The following PRKD1 variants were observed in gnomAD, a reference collection of about 807,000 sequenced individuals.
The protein encoded by PRKD1 is serine/threonine-protein kinase D1.
A neutral mutation model predicts 95.9 loss-of-function variants in PRKD1; 63 were observed. The observed-to-expected ratio is 0.66, with a 90% CI of 0.54 to 0.81. The LOEUF is 0.81. PRKD1 is among the 30% of genes least tolerant of loss of function. The pLI is 0.00. For missense variants in PRKD1, 1,048 were observed against 1,165.3 expected (o/e 0.90, Z 1.47); for synonymous variants, 425 against 423.1 (o/e 1.00, Z -0.05).
At chr14:29,667,056 G>A (rs984380204) in intron 2 of PRKD1, among the ~76,000 whole-genome samples, 8 of 152,236 alleles carry the variant, frequency 5.3e-5, no homozygotes, top group African/African-American at 1.7e-4. Flanking sequence ...GAAAGGTATC[G>A]ACAGCGGAAA....
intron 1 of PRKD1, among the ~76,000 whole-genome samples, chr14:29,862,884 AT>A (rs2139362266): frequency 6.6e-6 from 1 of 152,104 alleles, no homozygotes; most frequent in South Asian, 2.1e-4. Context: ...CCATTTGTCC[AT>A]TTTTGCTGTG....
At chr14:29,640,631 GAA>G in intron 4 of PRKD1, among the ~76,000 whole-genome samples, 1 of 152,254 alleles carries the variant, frequency 6.6e-6, no homozygotes, top group East Asian at 1.9e-4. Flanking sequence ...TGGAATTAAA[GAA>G]TAATTAAATC....
At chr14:29,689,569 C>A (rs1277611601) in intron 2 of PRKD1, among the ~76,000 whole-genome samples, 1 of 152,098 alleles carries the variant, frequency 6.6e-6, no homozygotes, top group Non-Finnish European at 1.5e-5. Flanking sequence ...TGTGGTGATT[C>A]CTCAAAAATC....
intron 1 of PRKD1, among the ~76,000 whole-genome samples, chr14:29,913,360 CTGTT>C (rs1476644933): frequency 6.6e-6 from 1 of 151,914 alleles, no homozygotes; most frequent in Non-Finnish European, 1.5e-5. Context: ...TTTTTCTTTA[CTGTT>C]TGTTTTTGTT....
intron 13 of PRKD1, among the ~76,000 whole-genome samples, chr14:29,612,939 A>G (rs1201050437): frequency 3.3e-5 from 5 of 152,140 alleles, no homozygotes; most frequent in Non-Finnish European, 7.3e-5. Flanking sequence ...TCTACTAAAA[A>G]TACAAAAAAT....
intron 1 of PRKD1, among the ~76,000 whole-genome samples, chr14:29,891,423 C>G (rs188203129): frequency 6.6e-6 from 1 of 152,348 alleles, no homozygotes; most frequent in African/African-American, 2.4e-5. Context: ...CCATCCACCT[C>G]CTGCCTCATG....
At chr14:29,890,272 C>T (rs1893893471) in intron 1 of PRKD1, among the ~76,000 whole-genome samples, 1 of 152,122 alleles carries the variant, frequency 6.6e-6, no homozygotes. Context: ...ATTCTCCCAA[C>T]CTGTTATAAT....
intron 15 of PRKD1, among the ~76,000 whole-genome samples, chr14:29,598,592 A>C (rs60923063): frequency 0.061 from 9,302 of 152,246 alleles, 933 homozygotes; most frequent in African/African-American, 0.21. Flanking sequence ...TAGGGAAGCA[A>C]GGCAGGACAG....
intron 1 of PRKD1, among the ~76,000 whole-genome samples, chr14:29,730,929 T>A (rs555191734): frequency 6.6e-6 from 1 of 152,224 alleles, no homozygotes; most frequent in East Asian, 1.9e-4. Flanking sequence ...AGATATCTAT[T>A]GTATAATGAG....
chr14:29,584,705 A>G (rs190287181), intron 16 of PRKD1, among the ~76,000 whole-genome samples: 5 of 152,298 alleles, frequency 3.3e-5, no homozygotes, highest in African/African-American at 1.2e-4. Flanking sequence ...TTGTATGCAT[A>G]TGGTTTGTAT....
At chr14:29,616,389 T>C (rs1288784857) in intron 13 of PRKD1, among the ~76,000 whole-genome samples, 3 of 151,480 alleles carry the variant, frequency 2.0e-5, no homozygotes, top group East Asian at 1.9e-4. Context: ...GATTTGACTA[T>C]AGCTATGAGA....
intron 16 of PRKD1, among the ~76,000 whole-genome samples, chr14:29,590,403 C>T (rs1017522660): frequency 6.6e-6 from 1 of 152,128 alleles, no homozygotes; most frequent in Non-Finnish European, 1.5e-5. Context: ...AAACGTTAAG[C>T]TTTGATGGTC....
rs1365534953 is a variant in PRKD1 at position 29,675,994 on chromosome 14, G to A, written c.404-9786C>T. On this transcript the variant is annotated intron_variant, in intron 2 of 17. Transcript: ENST00000331968. ...GGGCCTGTCGTGGGGTGGGGGGTGGGGGGAGGGATAACATTAGGAGATATA... is the reference window on the plus strand; with the variant it reads ...GGGCCTGTCGTGGGGTGGGGGGTGGAGGGAGGGATAACATTAGGAGATATA... Among the ~76,000 whole-genome samples, 7 of 118,980 alleles carry A rather than the reference G, an allele frequency of 5.9e-5. No homozygotes were observed. The East Asian group carries it at 2.2e-3, about 37-fold the overall frequency. The allele number at this position is 118,980 out of a possible 152,430, so 78.1% of individuals were successfully genotyped here.
At chr14:29,815,501 G>A (rs192174888) in intron 1 of PRKD1, among the ~76,000 whole-genome samples, 1 of 152,156 alleles carries the variant, frequency 6.6e-6, no homozygotes, top group Non-Finnish European at 1.5e-5. Context: ...CAAAATGTGG[G>A]AGAAATTTAT....
At chr14:29,798,770 T>C (rs1368866876) in intron 1 of PRKD1, among the ~76,000 whole-genome samples, 2 of 152,222 alleles carry the variant, frequency 1.3e-5, no homozygotes, top group East Asian at 3.8e-4. Context: ...AGAATAAAAA[T>C]ATAACCCAAC....
At chr14:29,916,763 A>G (rs954514212) in intron 1 of PRKD1, among the ~76,000 whole-genome samples, 2 of 152,142 alleles carry the variant, frequency 1.3e-5, no homozygotes, top group African/African-American at 4.8e-5. Flanking sequence ...TGGACAGTAG[A>G]CCTCACCTTT....
chr14:29,925,325 A>C (rs958042898), intron 1 of PRKD1, among the ~76,000 whole-genome samples: 1 of 152,192 alleles, frequency 6.6e-6, no homozygotes, highest in Non-Finnish European at 1.5e-5. Context: ...TAAAACCTCC[A>C]TACAGCAAAT....
chr14:29,849,869 T>TGGA (rs1892236437), intron 1 of PRKD1, among the ~76,000 whole-genome samples: 4 of 152,206 alleles, frequency 2.6e-5, no homozygotes, highest in African/African-American at 9.6e-5. Context: ...TAGTCGACTT[T>TGGA]ATTCCCAGGA....
chr14:29,766,036 T>C (rs925072770), intron 1 of PRKD1, among the ~76,000 whole-genome samples: 1 of 151,530 alleles, frequency 6.6e-6, no homozygotes, highest in Non-Finnish European at 1.5e-5. Context: ...TATTTCACAG[T>C]GAAAACAATA....
Sources: gnomAD v4.1 joint callset for allele counts (sites outside exome capture counted in the v4.1 genomes callset) on GRCh38, gnomAD v4.1.1 for gene constraint, MANE v1.5 for transcripts, NCBI Gene and HGNC (gene_info 2026-07-23, HGNC 2026-07-21) for gene names.